Variants in CROCC2 observed in about 807,000 individuals in gnomAD.
CROCC2 encodes ciliary rootlet coiled-coil, rootletin family member 2, also known as ciliary rootlet coiled-coil protein 2.
CROCC2 carries 163 observed loss-of-function variants against 177.6 expected under a neutral mutation model. The observed-to-expected ratio is 0.92, with a 90% CI of 0.81 to 1.05. The LOEUF (loss-of-function observed/expected upper bound fraction) is 1.05. Ranked by LOEUF, CROCC2 falls within the 50% of genes least tolerant of loss-of-function variation. CROCC2 has a pLI of 0.00. For missense variants in CROCC2, 1,929 were observed against 1,797.8 expected, an observed-to-expected ratio of 1.07 and a Z score of -1.32; for synonymous variants, 904 against 787.3, an observed-to-expected ratio of 1.15 and a Z score of -2.48.
chr2:240,958,458 C>A lies in CROCC2; in HGVS notation c.2944-843C>A. 2.3e-6 allele frequency: 1 copy of A among 441,820 alleles called. No individual in the cohort carries two copies. The highest frequency in any genetic ancestry group is 3.0e-6 in the Non-Finnish European group (1 of 332,858). 27.4% of individuals were successfully genotyped at this position (441,820 alleles called of 1,614,324 possible). On this transcript the variant is annotated intron_variant, in intron 19 of 31. Transcript: ENST00000690015. This position sits in a 1 kb window ranked among gnomAD's most constrained non-coding sequence, Gnocchi z 6.7. ...GGCACAGGCTGCAGGAACCCCCACC[C>A]TAGCAGAATCCAGGTGGACAGGAGG...
chr2:240,915,576 C>A (rs1202820904), intron 1 of CROCC2, among the ~76,000 whole-genome samples: 1 of 152,216 alleles, frequency 6.6e-6, no homozygotes, highest in African/African-American at 2.4e-5. Flanking sequence ...GACCCCAGTC[C>A]AACTCTTTTA....
At chr2:240,939,201 T>A (rs1185612377) in intron 14 of CROCC2, among the ~76,000 whole-genome samples, 1 of 152,142 alleles carries the variant, frequency 6.6e-6, no homozygotes, top group Admixed American at 6.5e-5. Flanking sequence ...CTGACATTTT[T>A]AAAAAATTAT....
At chr2:240,959,251 C>G in intron 19 of CROCC2, 50 bp from the exon 20 acceptor site, 1 of 1,540,388 alleles carries the variant, frequency 6.5e-7, no homozygotes, top group Non-Finnish European at 8.8e-7. Context: ...TCACCCTCCA[C>G]TGCTGGGCCC....
chr2:240,983,442 AGAGGCTCAGCGGCGGGCAGGAGGCGGCC>A, intron 28 of CROCC2: 1 of 1,267,466 alleles, frequency 7.9e-7, no homozygotes, highest in Non-Finnish European at 1.0e-6. Flanking sequence ...TGCAGGCCGC[AGAGGCTCAGCGGCGGGCAGGAGGCGGCC>A]GAGGCGCAGG....
intron 7 of CROCC2, among the ~76,000 whole-genome samples, chr2:240,931,702 AACCC>A (rs1396672992): frequency 1.3e-5 from 2 of 152,178 alleles, no homozygotes; most frequent in African/African-American, 4.8e-5. Flanking sequence ...AGTGCCTTAC[AACCC>A]AGGGTCCAGG....
chr2:240,949,321 A>C lies in CROCC2; in HGVS notation c.2483-212A>C. On this transcript the variant is annotated intron_variant, in intron 16 of 31. Coordinates refer to ENST00000690015, the MANE Select transcript of CROCC2 (RefSeq NM_001351305.2). The surrounding 1 kb of genome is among the most constrained non-coding windows in gnomAD (Gnocchi z 4.5). The stretch of plus-strand genomic sequence containing the variant: ...ACCTGGTGCCAGCCTGAGGCTTAGA[A>C]CTGGGCTCTGGCCACAGGGTCAGCA... 1.5e-6 allele frequency: 1 copy of C among 647,228 alleles called. No homozygotes were observed. The highest frequency in any genetic ancestry group is 1.9e-6 in the Non-Finnish European group (1 of 521,020). The allele number at this position is 647,228 out of a possible 1,614,324, so 40.1% of individuals were successfully genotyped here. A position where few individuals can be genotyped will look rare whatever the true frequency, so the allele number is the denominator to read the frequency against.
In CROCC2 at chr2:240,958,702, A is replaced by G. The variant is rs2059609948; in HGVS notation, c.2944-599A>G. The G allele has an allele frequency of 1.8e-6, 1 of 568,108 alleles. No homozygotes were observed. Among genetic ancestry groups the G allele is most frequent in the Admixed American group, 6.3e-5 (1 of 15,776 alleles). The allele number at this position is 568,108 out of a possible 1,614,324, so 35.2% of individuals were successfully genotyped here. On this transcript the variant is annotated intron_variant, in intron 19 of 31. Transcript: ENST00000690015. The surrounding 1 kb of genome is among the most constrained non-coding windows in gnomAD (Gnocchi z 6.7). ...GAGGACACTGAGGCCCAGGAAGCTGAGACCCCCTGAGCCCCATCTGCCCTG... is the reference window on the plus strand; with the variant it reads ...GAGGACACTGAGGCCCAGGAAGCTGGGACCCCCTGAGCCCCATCTGCCCTG...
At chr2:240,964,444 C>G (rs1327125665) in intron 21 of CROCC2, 22 bp from the exon 22 acceptor site, 1 of 1,548,122 alleles carries the variant, frequency 6.5e-7, no homozygotes, top group South Asian at 1.2e-5. Context: ...GCGGGGGCCC[C>G]AGCCTGTGGC....
chr2:240,983,269 C>G, intron 28 of CROCC2: 1 of 960,908 alleles, frequency 1.0e-6, no homozygotes, highest in Non-Finnish European at 1.5e-6. Flanking sequence ...GATTTCTTGC[C>G]GTACAGTAAG....
intron 27 of CROCC2, among the ~76,000 whole-genome samples, chr2:240,974,361 T>G (rs1267668939): frequency 6.6e-6 from 1 of 150,504 alleles, no homozygotes; most frequent in African/African-American, 2.4e-5. Context: ...TTTTTTTTTT[T>G]TTGAGGGTCT....
chr2:240,933,508 G>T (rs996936819), intron 10 of CROCC2, among the ~76,000 whole-genome samples, 162 bp from the exon 11 acceptor site: 2 of 152,164 alleles, frequency 1.3e-5, no homozygotes, highest in African/African-American at 2.4e-5. Flanking sequence ...CGTGGGCCAG[G>T]GTGGGACACA....
chr2:240,912,995 G>A (rs2059298068), intron 1 of CROCC2, among the ~76,000 whole-genome samples: 1 of 152,214 alleles, frequency 6.6e-6, no homozygotes, highest in African/African-American at 2.4e-5. Context: ...GCAAGCCAGA[G>A]GCAGATGCTC....
Position 240,916,215 on chromosome 2 carries a change from A to G in CROCC2, c.79-2511A>G, listed in dbSNP as rs907730564. Among the ~76,000 whole-genome samples the G allele has an allele frequency of 1.0e-4, 15 of 147,252 alleles. No homozygotes were observed. In the East Asian group the frequency reaches 2.3e-3, roughly 23 times the overall value. ...GCGGCACAGGCCTCCGGACACGCCG[A>G]CCTCCACCTTCCCTTCCTTCCCCTC... On this transcript the variant is annotated intron_variant, in intron 1 of 31. Coordinates refer to ENST00000690015, the MANE Select transcript of CROCC2 (RefSeq NM_001351305.2).
chr2:240,910,809 T>C (rs953759293), intron 1 of CROCC2, among the ~76,000 whole-genome samples: 3 of 152,236 alleles, frequency 2.0e-5, no homozygotes, highest in Non-Finnish European at 2.9e-5. Context: ...TGTGCTTGAC[T>C]CATTGATTGT....
chr2:240,920,861 C>T (rs2059353556), intron 3 of CROCC2, among the ~76,000 whole-genome samples: 1 of 152,246 alleles, frequency 6.6e-6, no homozygotes, highest in African/African-American at 2.4e-5. Context: ...CGCTCCAAGA[C>T]ATGCTGGCTT....
intron 12 of CROCC2, 109 bp from the exon 13 acceptor site, chr2:240,934,807 A>T: frequency 8.1e-7 from 1 of 1,232,448 alleles, no homozygotes; most frequent in South Asian, 1.8e-5. Flanking sequence ...TCCGCCCAAG[A>T]GCTCTGGCTT....
At chr2:240,911,921 C>A (rs554770678) in intron 1 of CROCC2, among the ~76,000 whole-genome samples, 1 of 152,302 alleles carries the variant, frequency 6.6e-6, no homozygotes, top group East Asian at 1.9e-4. Context: ...CTTCTGCCTG[C>A]CGGCCGCTGT....
intron 27 of CROCC2, among the ~76,000 whole-genome samples, chr2:240,975,719 C>CTT (rs55896940): frequency 3.5e-4 from 31 of 88,008 alleles, no homozygotes; most frequent in Non-Finnish European, 4.7e-4. Context: ...AACCAGCCTG[C>CTT]TTTTTTTTTT....
Position 240,949,816 on chromosome 2 carries a change from C to T in CROCC2, c.2652+114C>T, listed in dbSNP as rs977594214. The T allele has an allele frequency of 1.8e-6, 2 of 1,116,274 alleles. No individual in the cohort carries two copies. Among genetic ancestry groups the T allele is most frequent in the Non-Finnish European group, 2.5e-6 (2 of 794,472 alleles). 69.1% of individuals were successfully genotyped at this position (1,116,274 alleles called of 1,614,324 possible). A position where few individuals can be genotyped will look rare whatever the true frequency, so the allele number is the denominator to read the frequency against. On this transcript the variant is annotated intron_variant, in intron 17 of 31. Transcript: ENST00000690015. This position sits in a 1 kb window ranked among gnomAD's most constrained non-coding sequence, Gnocchi z 4.5. ...AGACAGAGCTCAGAGACATAGGCGC[C>T]TGGCCAGGGCTGGGCAAGGACCAGC...
Sources: allele counts gnomAD v4.1 joint callset (sites outside exome capture counted in the v4.1 genomes callset), GRCh38; gene constraint gnomAD v4.1.1; non-coding constraint Gnocchi (gnomAD v3.1); transcripts MANE v1.5; gene names NCBI Gene and HGNC (gene_info 2026-07-23, HGNC 2026-07-21).